PRG4: variants seen among roughly 807,000 people sequenced by gnomAD.
PRG4 encodes the protein articular superficial zone protein.
PRG4 carries 61 observed loss-of-function variants against 91.2 expected under a neutral mutation model. The observed-to-expected ratio is 0.67, with a 90% CI of 0.54 to 0.83. PRG4 has a LOEUF of 0.83. Ranked by LOEUF, PRG4 falls within the 40% of genes least tolerant of loss-of-function variation. The pLI, the probability that PRG4 is intolerant of heterozygous loss-of-function variation, is 0.00. For missense variants in PRG4, 1,564 were observed against 1,714.2 expected (o/e 0.91, Z 1.55); for synonymous variants, 576 against 614.2 (o/e 0.94, Z 0.92).
At chr1:186,302,722 T>C (rs974382643) in intron 4 of PRG4, among the ~76,000 whole-genome samples, 2 of 152,206 alleles carry the variant, frequency 1.3e-5, no homozygotes, top group Non-Finnish European at 2.9e-5. Flanking sequence ...CTGCAGATTT[T>C]AGCAGGCCCC....
rs773423658 is a variant in PRG4 at position 186,296,938 on chromosome 1, A to G, written c.63A>G (p.Gln21=). Residue 21 remains glutamine, a synonymous_variant, in exon 2 of 13, where the codon CAA becomes CAG. Transcript: ENST00000445192. Reference sequence around the variant, plus strand: ...TGCTGTCTGTTTTCGTGATTCAGCAAGTTTCATCTCAAGGTAGCTTAACCA... The same window carrying G: ...TGCTGTCTGTTTTCGTGATTCAGCAGGTTTCATCTCAAGGTAGCTTAACCA... ...LLLLSVFVIQ[Q]VSSQDLSSCA... 3.1e-6 allele frequency: 5 copies of G among 1,613,514 alleles called. No homozygotes were observed. The highest frequency in any genetic ancestry group is 1.1e-5 in the South Asian group (1 of 91,060).
In PRG4 at chr1:186,308,229, C is replaced by G; in HGVS notation, c.2510C>G (p.Thr837Ser). ...APTTPKEPAP[T>S]TPKKPAPTTP... is the part of the protein sequence containing the mutation. Reference sequence around the variant, plus strand: ...ACTACCCCCAAGGAGCCTGCACCCACTACCCCCAAGAAGCCTGCTCCAACT... The same window carrying G: ...ACTACCCCCAAGGAGCCTGCACCCAGTACCCCCAAGAAGCCTGCTCCAACT... The change falls in exon 7 of 13, where the codon ACT becomes AGT. Residue 837 changes from threonine to serine, a missense_variant. This residue lies in a region of PRG4 where 1,079 missense variants were observed against 1,162.2 expected (regional missense o/e 0.93). Transcript: ENST00000445192. 2 of 1,614,004 alleles carry G rather than the reference C, an allele frequency of 1.2e-6. No homozygotes were observed. Among genetic ancestry groups the G allele is most frequent in the Non-Finnish European group, 1.7e-6 (2 of 1,179,974 alleles).
intron 6 of PRG4, 128 bp from the exon 7 acceptor site, chr1:186,306,190 A>C (rs1033134048): frequency 6.9e-6 from 5 of 726,000 alleles, no homozygotes; most frequent in Non-Finnish European, 1.1e-5. Context: ...AACAAATTAA[A>C]GGACATAGTA....
chr1:186,313,415 GGTTA>G (rs1657430306), intron 12 of PRG4: 1 of 403,544 alleles, frequency 2.5e-6, no homozygotes, highest in South Asian at 3.6e-5. Context: ...TTTCAAACTT[GGTTA>G]CTCTTTAATG....
Position 186,307,018 on chromosome 1 carries a change from G to A in PRG4, c.1299G>A (p.Lys433=), listed in dbSNP as rs1421820546. ...TTTKSAPTTP[K]EPAPTTPKKP... ...CCAAGTCTGCACCCACCACTCCCAA[G>A]GAGCCTGCACCCACCACCCCCAAGA... is the stretch of plus-strand genomic sequence containing the variant. The change falls in exon 7 of 13, where the codon AAG becomes AAA. Residue 433 remains lysine (K), a synonymous_variant. Coordinates refer to ENST00000445192, the MANE Select transcript of PRG4 (RefSeq NM_005807.6). 2.0e-6 allele frequency: 3 copies of A among 1,464,034 alleles called. No homozygotes were observed. The highest frequency in any genetic ancestry group is 3.6e-5 in the African/African-American group (2 of 55,328). The allele number at this position is 1,464,034 out of a possible 1,614,324, so 90.7% of individuals were successfully genotyped here.
chr1:186,304,854 CAACAA>C lies in PRG4; in HGVS notation c.531_535del (p.Thr178SerfsTer12), dbSNP rs772404077. On this transcript the variant is annotated frameshift_variant, in exon 6 of 13. Transcript: ENST00000445192. LOFTEE classifies it high-confidence loss of function. ...TCCTCCTCCTCTTCCTCTTCTTCTT[CAACAA>C]TTCGGAAAATCAAGTCTTCCAAAAA... The C allele has an allele frequency of 1.4e-4, 230 of 1,612,622 alleles. No homozygotes were observed. In the African/African-American group the frequency reaches 2.8e-3, roughly 19 times the overall value.
At position 186,308,002 on chromosome 1, in the gene PRG4, C is replaced by A; in HGVS notation, c.2283C>A (p.Thr761=). The A allele has an allele frequency of 6.2e-7, 1 of 1,608,004 alleles. No homozygotes were observed. The highest frequency in any genetic ancestry group is 8.5e-7 in the Non-Finnish European group (1 of 1,178,524). ...CCCCTAAGGGGACTGCTCCAACTACCCCTAAGGAGCCTGCTCCAACTACCC... is the reference window on the plus strand; with the variant it reads ...CCCCTAAGGGGACTGCTCCAACTACACCTAAGGAGCCTGCTCCAACTACCC... ...PTTPKGTAPT[T]PKEPAPTTPK... is the part of the protein sequence containing the mutation. Residue 761 remains threonine (T), a synonymous_variant, in exon 7 of 13, where the codon ACC becomes ACA. Coordinates refer to ENST00000445192, the MANE Select transcript of PRG4 (RefSeq NM_005807.6).
At position 186,311,570 on chromosome 1, in the gene PRG4, C is replaced by T; in HGVS notation, c.3767C>T (p.Pro1256Leu). The change falls in exon 10 of 13, where the codon CCT (proline) becomes CTT (leucine). Residue 1256 changes from proline to leucine, a missense_variant. Pro to Leu is a moderately conservative substitution (Grantham distance 98). Transcript: ENST00000445192. ...TCAACAGCTAAATATAAGAACTGGC[C>T]TGAATCTGTGTATTTTTTCAAGAGA... ...ALSTAKYKNW[P>L]ESVYFFKRGG... is the part of the protein sequence containing the mutation. 6.2e-7 allele frequency: 1 copy of T among 1,613,914 alleles called. No individual in the cohort carries two copies. The highest frequency in any genetic ancestry group is 8.5e-7 in the Non-Finnish European group (1 of 1,179,914).
Position 186,304,884 on chromosome 1 carries a change from A to T in PRG4, c.560A>T (p.Asn187Ile). 1 of 1,613,562 alleles carries T rather than the reference A, an allele frequency of 6.2e-7. No homozygotes were observed. Among genetic ancestry groups the T allele is most frequent in the Non-Finnish European group, 8.5e-7 (1 of 1,179,614 alleles). ...STIRKIKSSK[N>I]SAANRELQKK... ...ATTCGGAAAATCAAGTCTTCCAAAA[A>T]TTCAGCTGCTAATAGAGAATTACAG... The change falls in exon 6 of 13, where the codon AAT (asparagine) becomes ATT (isoleucine). Residue 187 changes from asparagine (N) to isoleucine (I), a missense_variant. Coordinates refer to ENST00000445192, the MANE Select transcript of PRG4 (RefSeq NM_005807.6).
chr1:186,303,358 A>G (rs1260573244), intron 4 of PRG4, among the ~76,000 whole-genome samples: 1 of 151,048 alleles, frequency 6.6e-6, no homozygotes, highest in East Asian at 2.0e-4. Flanking sequence ...TTCTGGGGCG[A>G]TGTTGCGGGG....
rs1168747018 is a variant in PRG4, at chr1:186,308,516, G to A, written c.2797G>A (p.Ala933Thr). Residue 933 changes from alanine (A) to threonine (T), a missense_variant, in exon 7 of 13, where the codon GCT becomes ACT. Transcript: ENST00000445192. ...DLRTTPETTTAAPKMTKETAT... is the reference protein window; with the variant it reads ...DLRTTPETTTTAPKMTKETAT... ...ACGTACTACACCTGAAACTACAACTGCTGCACCTAAGATGACAAAAGAGAC... is the reference window on the plus strand; with the variant it reads ...ACGTACTACACCTGAAACTACAACTACTGCACCTAAGATGACAAAAGAGAC... 1 of 1,613,662 alleles carries A rather than the reference G, an allele frequency of 6.2e-7. No homozygotes were observed. The highest frequency in any genetic ancestry group is 2.2e-5 in the East Asian group (1 of 44,864).
chr1:186,308,793 C>A lies in PRG4; in HGVS notation c.3074C>A (p.Thr1025Asn), dbSNP rs779487615. Residue 1025 changes from threonine to asparagine, a missense_variant, in exon 7 of 13, where the codon ACC (threonine) becomes AAC (asparagine). Thr to Asn is a moderately conservative substitution (Grantham distance 65, BLOSUM62 0). Transcript: ENST00000445192. ...KATTPKPQKP[T>N]KAPKKPTSTK... is the part of the protein sequence containing the mutation. ...ACAACTCCTAAACCTCAAAAGCCAA[C>A]CAAAGCACCCAAAAAACCCACTTCT... 1.9e-6 allele frequency: 3 copies of A among 1,613,880 alleles called. No homozygotes were observed. In the Admixed American group the frequency reaches 5.0e-5, roughly 27 times the overall value.
chr1:186,296,593 T>C (rs1490008795), intron 1 of PRG4, among the ~76,000 whole-genome samples: 1 of 152,218 alleles, frequency 6.6e-6, no homozygotes, highest in Non-Finnish European at 1.5e-5. Flanking sequence ...ATAAGTCTAT[T>C]CTATATTGGA....
At chr1:186,310,910 T>G in intron 8 of PRG4, 124 bp from the exon 9 acceptor site, 2 of 1,065,092 alleles carry the variant, frequency 1.9e-6, no homozygotes, top group Non-Finnish European at 2.8e-6. Flanking sequence ...AATACTACCT[T>G]TTGTATCTGA....
chr1:186,313,469 A>G, intron 12 of PRG4: 1 of 512,056 alleles, frequency 2.0e-6, no homozygotes, highest in Non-Finnish European at 3.5e-6. Context: ...TTTTACAAAA[A>G]GATGGTGAAA....
rs759417504 is a variant in PRG4 at position 186,308,500 on chromosome 1, A to G, written c.2781A>G (p.Thr927=). ...DKTTERDLRT[T]PETTTAAPKM... is the part of the protein sequence containing the mutation. ...CAACAGAAAGAGACTTACGTACTAC[A>G]CCTGAAACTACAACTGCTGCACCTA... The change falls in exon 7 of 13, where the codon ACA becomes ACG. Residue 927 remains threonine, a synonymous_variant. Transcript: ENST00000445192. 6.2e-7 allele frequency: 1 copy of G among 1,613,804 alleles called. No individual in the cohort carries two copies. Among genetic ancestry groups the G allele is most frequent in the Non-Finnish European group, 8.5e-7 (1 of 1,180,034 alleles).
rs758164854 is a variant in PRG4, at chr1:186,307,925, A to G, written c.2206A>G (p.Thr736Ala). 8 of 1,608,426 alleles carry G rather than the reference A, an allele frequency of 5.0e-6. No individual in the cohort carries two copies. The highest frequency in any genetic ancestry group is 5.9e-6 in the Non-Finnish European group (7 of 1,178,630). The part of the protein sequence containing the change: ...KKPAPKELAP[T>A]TTKEPTSTTS... The stretch of plus-strand genomic sequence containing the variant: ...GCCTGCCCCCAAGGAGCTTGCACCC[A>G]CCACCACCAAGGAGCCCACATCCAC... Residue 736 changes from threonine (T) to alanine (A), a missense_variant, in exon 7 of 13, where the codon ACC becomes GCC. By Grantham distance (58) the Thr-to-Ala change is moderately conservative (BLOSUM62 0). Coordinates refer to ENST00000445192, the MANE Select transcript of PRG4 (RefSeq NM_005807.6).
At chr1:186,305,108 A>G (rs1656473198) in intron 6 of PRG4, among the ~76,000 whole-genome samples, 186 bp downstream of exon 6, 1 of 152,230 alleles carries the variant, frequency 6.6e-6, no homozygotes, top group East Asian at 1.9e-4. Context: ...GCGGCTAAGA[A>G]GCCACTCTAA....
Position 186,304,143 on chromosome 1 carries a change from G to T in PRG4, c.355G>T (p.Ala119Ser). ...CACATCACCACCATCTTCAAAGAAA[G>T]CACCTCCACCTTCAGGAGCATCTCA... Reference protein sequence around the residue: ...NPTSPPSSKKAPPPSGASQTI... With the variant: ...NPTSPPSSKKSPPPSGASQTI... The change falls in exon 5 of 13, where the codon GCA becomes TCA. Residue 119 changes from alanine (A) to serine (S), a missense_variant. Physicochemically the swap from Ala to Ser is moderately conservative, Grantham distance 99. Around this residue, in one of 3 missense-constraint regions of PRG4, gnomAD observed 437 missense variants for 459.0 expected, o/e 0.95. Coordinates refer to ENST00000445192, the MANE Select transcript of PRG4 (RefSeq NM_005807.6). 1.9e-6 allele frequency: 3 copies of T among 1,614,104 alleles called. No homozygotes were observed. Among genetic ancestry groups the T allele is most frequent in the Admixed American group, 1.7e-5 (1 of 60,016 alleles).
Sources: allele counts gnomAD v4.1 joint callset (sites outside exome capture counted in the v4.1 genomes callset), GRCh38; gene constraint gnomAD v4.1.1; regional missense constraint gnomAD v4.1.1; transcripts MANE v1.5; gene names NCBI Gene and HGNC (gene_info 2026-07-23, HGNC 2026-07-21).